Variants in RBFOX1 observed in about 807,000 individuals in gnomAD.
The protein encoded by RBFOX1 is RNA binding protein fox-1 homolog 1.
Under a neutral mutation model 57.7 loss-of-function variants are expected in RBFOX1, and 8 were observed. The observed-to-expected ratio is 0.14, with a 90% CI of 0.08 to 0.25. The LOEUF (loss-of-function observed/expected upper bound fraction) is 0.25, where lower values mean the gene tolerates loss of function less well. Ranked by LOEUF, RBFOX1 falls within the 10% of genes least tolerant of loss-of-function variation. The pLI is 1.00. For missense variants in RBFOX1, 611 were observed against 548.5 expected, an observed-to-expected ratio of 1.11 and a Z score of -1.14; for synonymous variants, 326 against 222.4, an observed-to-expected ratio of 1.47 and a Z score of -4.15.
At chr16:6,275,751 A>G (rs897658837) in intron 1 of RBFOX1, among the ~76,000 whole-genome samples, 5 of 152,378 alleles carry the variant, frequency 3.3e-5, no homozygotes, top group Non-Finnish European at 5.9e-5. Flanking sequence ...GCCATAGAAA[A>G]TATTAGCAAG....
At chr16:7,444,617 C>T (rs1182731530) in intron 4 of RBFOX1, among the ~76,000 whole-genome samples, 1 of 152,096 alleles carries the variant, frequency 6.6e-6, no homozygotes, top group African/African-American at 2.4e-5. Flanking sequence ...ACTGCAGCCT[C>T]AACCTCCCAG....
intron 4 of RBFOX1, among the ~76,000 whole-genome samples, chr16:7,283,496 G>A (rs1290953417): frequency 6.6e-6 from 1 of 151,936 alleles, no homozygotes; most frequent in African/African-American, 2.4e-5. Context: ...AATCGTATGG[G>A]TGGAGGAAAT....
chr16:5,631,015 G>C (rs576018137), intron 3 of RBFOX1, among the ~76,000 whole-genome samples: 27 of 152,316 alleles, frequency 1.8e-4, no homozygotes, highest in Admixed American at 1.7e-3. Context: ...CCCTTGGAAG[G>C]GTCGCACTTG....
chr16:6,350,315 C>A (rs1445596669), intron 2 of RBFOX1, among the ~76,000 whole-genome samples: 7 of 151,750 alleles, frequency 4.6e-5, no homozygotes, highest in African/African-American at 1.2e-4. Context: ...GTTGCGCATG[C>A]CTGTAATACT....
intron 2 of RBFOX1, among the ~76,000 whole-genome samples, chr16:5,518,409 G>A (rs964251830): frequency 1.1e-4 from 17 of 152,090 alleles, no homozygotes; most frequent in African/African-American, 4.1e-4. Context: ...GATCCCCTCT[G>A]CTTTTTCCCA....
chr16:7,669,866 C>T (rs757304757), intron 13 of RBFOX1, among the ~76,000 whole-genome samples: 55 of 152,206 alleles, frequency 3.6e-4, no homozygotes, highest in African/African-American at 1.0e-3. Flanking sequence ...TTTGACTTGC[C>T]GTCCGCAGTC....
intron 2 of RBFOX1, among the ~76,000 whole-genome samples, chr16:5,546,291 G>C (rs1378199350): frequency 6.6e-6 from 1 of 152,152 alleles, no homozygotes; most frequent in African/African-American, 2.4e-5. Flanking sequence ...TCTCATCTAG[G>C]CTTTTTTGCG....
chr16:6,156,808 A>G (rs1271710634), intron 1 of RBFOX1, among the ~76,000 whole-genome samples: 1 of 152,132 alleles, frequency 6.6e-6, no homozygotes, highest in Non-Finnish European at 1.5e-5. Flanking sequence ...TGAAATGGGT[A>G]GTCTGTATAC....
At chr16:5,295,315 T>C (rs1186065548) in intron 1 of RBFOX1, among the ~76,000 whole-genome samples, 1 of 152,102 alleles carries the variant, frequency 6.6e-6, no homozygotes, top group Non-Finnish European at 1.5e-5. Context: ...GTAATGTACA[T>C]GATGTAAGAC....
At chr16:6,156,929 T>C (rs2096842479) in intron 1 of RBFOX1, among the ~76,000 whole-genome samples, 1 of 152,164 alleles carries the variant, frequency 6.6e-6, no homozygotes, top group African/African-American at 2.4e-5. Flanking sequence ...AGCCCCGAAC[T>C]CCTGAGCTCA....
chr16:5,985,300 C>T (rs2060264990), intron 4 of RBFOX1, among the ~76,000 whole-genome samples: 1 of 148,364 alleles, frequency 6.7e-6, no homozygotes, highest in East Asian at 2.1e-4. Context: ...CCAACTCCAT[C>T]ATAATCTTAT....
At chr16:5,774,226 A>G (rs1045563584) in intron 3 of RBFOX1, among the ~76,000 whole-genome samples, 1 of 152,164 alleles carries the variant, frequency 6.6e-6, no homozygotes, top group Non-Finnish European at 1.5e-5. Context: ...GGGAAGAGAA[A>G]GGGCCCATTA....
At chr16:6,479,623 A>C (rs975364239) in intron 2 of RBFOX1, among the ~76,000 whole-genome samples, 1 of 152,142 alleles carries the variant, frequency 6.6e-6, no homozygotes, top group African/African-American at 2.4e-5. Context: ...TGAAACCATC[A>C]GATCTCATGG....
intron 4 of RBFOX1, among the ~76,000 whole-genome samples, chr16:7,131,344 T>C (rs2070330845): frequency 3.0e-5 from 2 of 66,586 alleles, no homozygotes; most frequent in East Asian, 3.4e-4. Flanking sequence ...AGACTGTCTT[T>C]TTTTTTTTTT....
intron 4 of RBFOX1, among the ~76,000 whole-genome samples, chr16:7,515,867 C>T (rs926070961): frequency 2.0e-5 from 3 of 151,454 alleles, no homozygotes; most frequent in Non-Finnish European, 4.4e-5. Context: ...GTTGTTGAGA[C>T]GGAATCTTGC....
At chr16:7,385,389 C>T (rs2097858475) in intron 4 of RBFOX1, among the ~76,000 whole-genome samples, 1 of 152,098 alleles carries the variant, frequency 6.6e-6, no homozygotes, top group Admixed American at 6.6e-5. Context: ...AGAAAATTAA[C>T]AGGCAGATCT....
At chr16:6,456,123 C>G (rs936011529) in intron 2 of RBFOX1, among the ~76,000 whole-genome samples, 1 of 152,120 alleles carries the variant, frequency 6.6e-6, no homozygotes, top group Non-Finnish European at 1.5e-5. Flanking sequence ...AGCACCTACT[C>G]TGTTGCTGGG....
At chr16:6,418,957 T>G (rs2093701024) in intron 2 of RBFOX1, among the ~76,000 whole-genome samples, 1 of 152,178 alleles carries the variant, frequency 6.6e-6, no homozygotes, top group Non-Finnish European at 1.5e-5. Flanking sequence ...GAAAGTGATT[T>G]TGGAAAAAGC....
At chr16:6,859,364 TCTC>T (rs1279569385) in intron 3 of RBFOX1, among the ~76,000 whole-genome samples, 1 of 151,686 alleles carries the variant, frequency 6.6e-6, no homozygotes, top group East Asian at 1.9e-4. Flanking sequence ...AATTCTCTGT[TCTC>T]CTCAAACAGA....
Sources: gnomAD v4.1 joint callset for allele counts (sites outside exome capture counted in the v4.1 genomes callset) on GRCh38, gnomAD v4.1.1 for gene constraint, MANE v1.5 for transcripts, NCBI Gene and HGNC (gene_info 2026-07-23, HGNC 2026-07-21) for gene names.